Variants in NRG3 observed in about 807,000 individuals in gnomAD.
NRG3 encodes neuregulin 3, also known as pro-neuregulin-3, membrane-bound isoform.
A neutral mutation model predicts 66.9 loss-of-function variants in NRG3; 31 were observed. The observed-to-expected ratio is 0.46, with a 90% confidence interval of 0.35 to 0.63. The LOEUF (loss-of-function observed/expected upper bound fraction) is 0.63, where lower values mean the gene tolerates loss of function less well. Ranked by LOEUF, NRG3 falls within the 20% of genes least tolerant of loss-of-function variation. The pLI is 0.00. For missense variants in NRG3, 910 were observed against 878.9 expected (o/e 1.04, Z -0.45); for synonymous variants, 393 against 359.4 (o/e 1.09, Z -1.06).
At chr10:82,531,308 C>T (rs1847236990) in intron 2 of NRG3, among the ~76,000 whole-genome samples, 1 of 151,626 alleles carries the variant, frequency 6.6e-6, no homozygotes, top group Non-Finnish European at 1.5e-5. Flanking sequence ...ATATTAGAGA[C>T]AGATTTAAAT....
chr10:82,842,386 G>C (rs1049235287), intron 3 of NRG3, among the ~76,000 whole-genome samples: 3 of 152,090 alleles, frequency 2.0e-5, no homozygotes, highest in African/African-American at 7.2e-5. Context: ...TTTCATATCT[G>C]GGAATAAAGT....
intron 1 of NRG3, among the ~76,000 whole-genome samples, chr10:82,343,208 T>C (rs996403560): frequency 2.0e-5 from 3 of 152,022 alleles, no homozygotes; most frequent in Non-Finnish European, 4.4e-5. Context: ...TTCAGTAAAG[T>C]TTCAGGATAC....
At chr10:81,962,764 C>T (rs2059569579) in intron 1 of NRG3, among the ~76,000 whole-genome samples, 1 of 152,186 alleles carries the variant, frequency 6.6e-6, no homozygotes, top group Admixed American at 6.5e-5. Flanking sequence ...ATGGCTCCTC[C>T]AGTCACATGT....
chr10:82,295,300 G>A (rs2079995030), intron 1 of NRG3, among the ~76,000 whole-genome samples: 1 of 152,170 alleles, frequency 6.6e-6, no homozygotes, highest in Non-Finnish European at 1.5e-5. Context: ...GACAAAGATG[G>A]ATGATTATGC....
At chr10:82,557,623 TTAAG>T (rs2044736830) in intron 2 of NRG3, among the ~76,000 whole-genome samples, 1 of 152,200 alleles carries the variant, frequency 6.6e-6, no homozygotes, top group African/African-American at 2.4e-5. Flanking sequence ...GCAGAAGCTC[TTAAG>T]TTAGTTCCCA....
chr10:82,984,694 G>C, intron 8 of NRG3: 1 of 1,343,910 alleles, frequency 7.4e-7, no homozygotes, highest in Non-Finnish European at 1.0e-6. Flanking sequence ...CGAGTTGATG[G>C]AGTGGACTAA....
intron 1 of NRG3, among the ~76,000 whole-genome samples, chr10:82,057,724 G>T (rs10748875): frequency 0.86 from 131,441 of 152,172 alleles, 57,775 homozygotes; most frequent in Middle Eastern, 0.97. Flanking sequence ...CTCCTTCACT[G>T]CCTCCTCTTC....
chr10:81,984,966 A>G (rs550982241), intron 1 of NRG3, among the ~76,000 whole-genome samples: 1 of 152,348 alleles, frequency 6.6e-6, no homozygotes, highest in East Asian at 1.9e-4. Flanking sequence ...AAGGCTTTAG[A>G]GGAGATATGT....
chr10:82,697,124 G>A (rs563928153), intron 2 of NRG3, among the ~76,000 whole-genome samples: 7 of 152,102 alleles, frequency 4.6e-5, no homozygotes, highest in Admixed American at 3.9e-4. Context: ...TCATATTTGG[G>A]GTCTTATAAA....
intron 2 of NRG3, among the ~76,000 whole-genome samples, chr10:82,698,820 T>C (rs1341856317): frequency 6.6e-6 from 1 of 152,168 alleles, no homozygotes; most frequent in African/African-American, 2.4e-5. Flanking sequence ...CTGCTTCTAA[T>C]AGTACTCAGT....
chr10:82,427,374 G>T (rs1289986557), intron 2 of NRG3, among the ~76,000 whole-genome samples: 1 of 152,044 alleles, frequency 6.6e-6, no homozygotes, highest in Admixed American at 6.6e-5. Context: ...TTTTCTGACA[G>T]TCTTTCTTAT....
intron 1 of NRG3, among the ~76,000 whole-genome samples, chr10:82,105,973 G>A (rs1294679954): frequency 6.6e-6 from 1 of 152,126 alleles, no homozygotes; most frequent in Non-Finnish European, 1.5e-5. Context: ...TCCATGACCT[G>A]AGGGATATTT....
chr10:82,558,472 G>T (rs1376842505), intron 2 of NRG3, among the ~76,000 whole-genome samples: 1 of 152,004 alleles, frequency 6.6e-6, no homozygotes. Flanking sequence ...CATAACTCAG[G>T]CCCCACCTCC....
chr10:82,410,522 G>C (rs1397571380), intron 2 of NRG3, among the ~76,000 whole-genome samples: 2 of 150,838 alleles, frequency 1.3e-5, no homozygotes, highest in Admixed American at 6.6e-5. Flanking sequence ...ACAGAAAATA[G>C]ATTAGTGGTG....
At chr10:82,229,840 G>A (rs2133869664) in intron 1 of NRG3, among the ~76,000 whole-genome samples, 1 of 152,178 alleles carries the variant, frequency 6.6e-6, no homozygotes, top group South Asian at 2.1e-4. Context: ...TAGTAGAAAA[G>A]AATGTTACAT....
At chr10:82,231,553 T>G (rs1304517124) in intron 1 of NRG3, among the ~76,000 whole-genome samples, 1 of 152,094 alleles carries the variant, frequency 6.6e-6, no homozygotes, top group Non-Finnish European at 1.5e-5. Context: ...TCTACCATAT[T>G]AATAAACGCA....
intron 2 of NRG3, among the ~76,000 whole-genome samples, chr10:82,583,087 T>G (rs646907): frequency 0.089 from 13,502 of 152,170 alleles, 657 homozygotes; most frequent in East Asian, 0.15. Flanking sequence ...GTTTCAATGG[T>G]TTTAATGGGA....
chr10:82,664,970 C>G (rs2052648955), intron 2 of NRG3, among the ~76,000 whole-genome samples: 1 of 152,170 alleles, frequency 6.6e-6, no homozygotes, highest in African/African-American at 2.4e-5. Context: ...TTCTTTTCAT[C>G]AATACTCTAC....
intron 2 of NRG3, among the ~76,000 whole-genome samples, chr10:82,573,063 C>T (rs141793617): frequency 3.3e-5 from 5 of 151,902 alleles, no homozygotes; most frequent in African/African-American, 1.2e-4. Flanking sequence ...AAGACAGACA[C>T]AGATAATGGC....
Sources: allele counts gnomAD v4.1 joint callset (sites outside exome capture counted in the v4.1 genomes callset), GRCh38; gene constraint gnomAD v4.1.1; transcripts MANE v1.5; gene names NCBI Gene and HGNC (gene_info 2026-07-23, HGNC 2026-07-21).